DCLK2: variants seen among roughly 807,000 people sequenced by gnomAD.
DCLK2 encodes serine/threonine-protein kinase DCLK2.
Under a neutral mutation model 78.4 loss-of-function variants are expected in DCLK2, and 31 were observed. The observed-to-expected ratio is 0.40, with a 90% CI of 0.30 to 0.53. The LOEUF (loss-of-function observed/expected upper bound fraction) is 0.53. Among genes scored for constraint, DCLK2 ranks in the 20% least tolerant of loss-of-function variants. The pLI is 0.61. For missense variants in DCLK2, 872 were observed against 973.7 expected, an observed-to-expected ratio of 0.90 and a Z score of 1.39; for synonymous variants, 407 against 374.9, an observed-to-expected ratio of 1.09 and a Z score of -0.99.
intron 1 of DCLK2, among the ~76,000 whole-genome samples, chr4:150,101,153 G>T (rs1580500864): frequency 1.3e-5 from 2 of 152,280 alleles, no homozygotes; most frequent in African/African-American, 2.4e-5. Flanking sequence ...TACTTGGAAG[G>T]CTGAGGTGGG....
At chr4:150,198,407 AT>A (rs1444081814) in intron 4 of DCLK2, among the ~76,000 whole-genome samples, 1 of 152,086 alleles carries the variant, frequency 6.6e-6, no homozygotes, top group Non-Finnish European at 1.5e-5. Context: ...TGCATTTTGA[AT>A]TTTGTGCTCT....
At chr4:150,150,304 T>G (rs1734797020) in intron 2 of DCLK2, among the ~76,000 whole-genome samples, 1 of 152,162 alleles carries the variant, frequency 6.6e-6, no homozygotes, top group Non-Finnish European at 1.5e-5. Context: ...CTGGCCTGAT[T>G]GATGTCTGGT....
chr4:150,168,812 C>T (rs1491001320), intron 2 of DCLK2, among the ~76,000 whole-genome samples: 1 of 152,212 alleles, frequency 6.6e-6, no homozygotes, highest in African/African-American at 2.4e-5. Context: ...ACAATTCTCA[C>T]TGATCAGTTC....
chr4:150,175,030 A>ATATATT (rs1736881488), intron 2 of DCLK2, among the ~76,000 whole-genome samples: 1 of 51,310 alleles, frequency 1.9e-5, no homozygotes, highest in African/African-American at 7.0e-5. Flanking sequence ...ATATATATAT[A>ATATATT]TATTTATATA....
chr4:150,202,570 G>A (rs185685957), intron 4 of DCLK2, among the ~76,000 whole-genome samples: 5 of 152,180 alleles, frequency 3.3e-5, no homozygotes, highest in Non-Finnish European at 7.4e-5. Flanking sequence ...TCAAGGACTG[G>A]TACTCATTTT....
intron 4 of DCLK2, among the ~76,000 whole-genome samples, chr4:150,200,634 A>G (rs778845721): frequency 1.3e-5 from 2 of 152,316 alleles, no homozygotes; most frequent in Non-Finnish European, 2.9e-5. Context: ...TAAAAATTCC[A>G]TGGGACTAAT....
At chr4:150,175,605 T>C (rs2150271325) in intron 2 of DCLK2, 1 of 152,318 alleles carries the variant, frequency 6.6e-6, no homozygotes, top group Admixed American at 6.5e-5. Context: ...GGGCTTGTTG[T>C]CAACCGGTGG....
intron 2 of DCLK2, among the ~76,000 whole-genome samples, chr4:150,156,410 G>T (rs2150236101): frequency 1.3e-5 from 2 of 152,010 alleles, no homozygotes; most frequent in South Asian, 4.2e-4. Context: ...ACTTTTTGAG[G>T]CTGAGGTGGG....
intron 2 of DCLK2, among the ~76,000 whole-genome samples, chr4:150,148,289 C>G (rs914226785): frequency 2.6e-5 from 4 of 152,104 alleles, no homozygotes; most frequent in Non-Finnish European, 5.9e-5. Flanking sequence ...TGCTTGAACC[C>G]AGGAGGTTGA....
At chr4:150,113,472 A>G (rs1044244252) in intron 2 of DCLK2, among the ~76,000 whole-genome samples, 1 of 152,096 alleles carries the variant, frequency 6.6e-6, no homozygotes. Flanking sequence ...TTCTGATTCA[A>G]GCTAGTAGGG....
intron 2 of DCLK2, among the ~76,000 whole-genome samples, chr4:150,161,881 G>A (rs1044711264): frequency 7.2e-5 from 11 of 152,162 alleles, no homozygotes; most frequent in Non-Finnish European, 1.5e-4. Flanking sequence ...ATAGAGGGGT[G>A]TTGCTTCAAG....
intron 2 of DCLK2, among the ~76,000 whole-genome samples, chr4:150,121,278 T>G (rs1732521124): frequency 6.6e-6 from 1 of 152,224 alleles, no homozygotes; most frequent in Non-Finnish European, 1.5e-5. Context: ...CTTTCAAAAT[T>G]TGTCAATCCT....
At chr4:150,136,139 G>T (rs756400636) in intron 2 of DCLK2, among the ~76,000 whole-genome samples, 3 of 152,200 alleles carry the variant, frequency 2.0e-5, no homozygotes, top group Non-Finnish European at 4.4e-5. Flanking sequence ...ATCTCGTGGA[G>T]GAAGGGAGGA....
chr4:150,128,475 C>T (rs1355817387), intron 2 of DCLK2, among the ~76,000 whole-genome samples: 1 of 152,018 alleles, frequency 6.6e-6, no homozygotes, highest in Admixed American at 6.6e-5. Context: ...CTATGGGTTA[C>T]CCTTGAGAAA....
intron 2 of DCLK2, among the ~76,000 whole-genome samples, chr4:150,134,607 T>A (rs1295685704): frequency 2.0e-5 from 3 of 152,212 alleles, no homozygotes; most frequent in Non-Finnish European, 4.4e-5. Flanking sequence ...TGGTCTAAGT[T>A]GCTTATATTA....
intron 8 of DCLK2, among the ~76,000 whole-genome samples, chr4:150,228,665 A>G (rs969709321): frequency 2.6e-5 from 4 of 152,206 alleles, no homozygotes; most frequent in Admixed American, 2.6e-4. Context: ...AGAAGAGGAG[A>G]GATCTAATCT....
chr4:150,257,341 C>T lies in DCLK2; in HGVS notation c.*1094C>T, dbSNP rs1129672. On this transcript the variant is annotated 3_prime_UTR_variant, in exon 16 of 16. Coordinates refer to ENST00000296550, the MANE Select transcript of DCLK2 (RefSeq NM_001040260.4). ...CCGTGTATTTGTTTTACCTGCTCAT[C>T]TTCTAAACTGGCGAGCCCTATAGTT... 6.6e-6 allele frequency: 1 copy of T among 152,636 alleles called. No homozygotes were observed. The highest frequency in any genetic ancestry group is 2.4e-5 in the African/African-American group (1 of 41,456). The allele number at this position is 152,636 out of a possible 1,614,324, so 9.5% of individuals were successfully genotyped here. A position where few individuals can be genotyped will look rare whatever the true frequency, so the allele number is the denominator to read the frequency against.
At chr4:150,211,677 T>A (rs1426028994) in intron 5 of DCLK2, among the ~76,000 whole-genome samples, 2 of 152,158 alleles carry the variant, frequency 1.3e-5, no homozygotes, top group Non-Finnish European at 2.9e-5. Flanking sequence ...CTTCCAGTCC[T>A]TTTGTTCGTC....
chr4:150,127,242 T>A (rs2150191366), intron 2 of DCLK2, among the ~76,000 whole-genome samples: 1 of 152,334 alleles, frequency 6.6e-6, no homozygotes, highest in Non-Finnish European at 1.5e-5. Flanking sequence ...TGCAATACCT[T>A]GTTTCTCATC....
Sources: allele counts gnomAD v4.1 joint callset (sites outside exome capture counted in the v4.1 genomes callset), GRCh38; gene constraint gnomAD v4.1.1; transcripts MANE v1.5; gene names NCBI Gene and HGNC (gene_info 2026-07-23, HGNC 2026-07-21).